The following PTPRD variants were observed in gnomAD, a reference collection of about 807,000 sequenced individuals.
PTPRD encodes the protein receptor-type tyrosine-protein phosphatase delta.
Under a neutral mutation model 214.5 loss-of-function variants are expected in PTPRD, and 34 were observed. That is an observed-to-expected ratio of 0.16 (90% CI 0.12 to 0.21). PTPRD has a LOEUF of 0.21. PTPRD is among the 10% of genes least tolerant of loss of function. The probability of loss-of-function intolerance (pLI) is 1.00; values close to 1 mark genes in which losing one functional copy is unlikely to be tolerated. For missense variants in PTPRD, 2,545 were observed against 2,398.7 expected (o/e 1.06, Z -1.27); for synonymous variants, 1,128 against 845.7 (o/e 1.33, Z -5.79).
intron 11 of PTPRD, among the ~76,000 whole-genome samples, chr9:8,950,105 C>T (rs2099093425): frequency 1.3e-5 from 2 of 152,088 alleles, no homozygotes; most frequent in African/African-American, 2.4e-5. Flanking sequence ...TGTCTATTTA[C>T]AAGTGACTTG....
intron 35 of PTPRD, among the ~76,000 whole-genome samples, chr9:8,430,666 T>C (rs1188745550): frequency 6.6e-6 from 1 of 152,144 alleles, no homozygotes; most frequent in Non-Finnish European, 1.5e-5. Flanking sequence ...CCTATAATTC[T>C]ACATTTCTAA....
At chr9:8,940,583 C>G (rs142675515) in intron 11 of PTPRD, among the ~76,000 whole-genome samples, 1 of 151,396 alleles carries the variant, frequency 6.6e-6, no homozygotes, top group Non-Finnish European at 1.5e-5. Context: ...TGTGAGCCAC[C>G]GCACCCAGCC....
At chr9:8,395,866 A>T (rs2091008319) in intron 36 of PTPRD, among the ~76,000 whole-genome samples, 1 of 152,028 alleles carries the variant, frequency 6.6e-6, no homozygotes, top group Admixed American at 6.6e-5. Context: ...ACATTGCAAG[A>T]TCAGCAACAT....
chr9:10,298,393 A>G (rs187293927), intron 3 of PTPRD, among the ~76,000 whole-genome samples: 1 of 152,172 alleles, frequency 6.6e-6, no homozygotes, highest in African/African-American at 2.4e-5. Flanking sequence ...ATAGTACGAT[A>G]TGATCCTTGC....
At chr9:9,187,660 T>A (rs1353015102) in intron 9 of PTPRD, among the ~76,000 whole-genome samples, 1 of 151,976 alleles carries the variant, frequency 6.6e-6, no homozygotes, top group East Asian at 1.9e-4. Flanking sequence ...TCTTGTGAAA[T>A]AGACTGATTT....
intron 8 of PTPRD, among the ~76,000 whole-genome samples, chr9:9,484,785 C>T (rs548192349): frequency 1.3e-5 from 2 of 152,138 alleles, no homozygotes; most frequent in East Asian, 1.9e-4. Flanking sequence ...GGTTCTGGAG[C>T]CTACAGTCTT....
chr9:10,504,115 CAAAAAAAAAA>C lies in PTPRD; in HGVS notation c.-600+108273_-600+108282del, dbSNP rs71332747. On this transcript the variant is annotated intron_variant, in intron 2 of 45. Coordinates refer to ENST00000381196, the MANE Select transcript of PTPRD (RefSeq NM_002839.4). Reference sequence around the variant, plus strand: ...TGGGGCACAGAGCGAGACTCTGTCTCAAAAAAAAAAAAAAAAAAAAAAAAAAGATGTACGG... The same window carrying C: ...TGGGGCACAGAGCGAGACTCTGTCTCAAAAAAAAAAAAAAAAGATGTACGG... Among the ~76,000 whole-genome samples, 40 of 26,964 alleles carry C rather than the reference CAAAAAAAAAA, an allele frequency of 1.5e-3. 2 individuals carry two copies. Among genetic ancestry groups the C allele is most frequent in the Middle Eastern group, 0.091 (2 of 22 alleles). 17.7% of individuals were successfully genotyped at this position (26,964 alleles called of 152,430 possible).
At chr9:10,006,998 A>C (rs138397911) in intron 4 of PTPRD, among the ~76,000 whole-genome samples, 4 of 152,152 alleles carry the variant, frequency 2.6e-5, no homozygotes, top group African/African-American at 7.2e-5. Context: ...TTAATGTAAC[A>C]AATCCCCATG....
At chr9:9,434,082 T>C (rs2084244736) in intron 8 of PTPRD, among the ~76,000 whole-genome samples, 1 of 152,178 alleles carries the variant, frequency 6.6e-6, no homozygotes, top group Non-Finnish European at 1.5e-5. Context: ...GTTTTGCATA[T>C]ACTAAAACCA....
intron 5 of PTPRD, among the ~76,000 whole-genome samples, chr9:9,769,148 A>G (rs1403105696): frequency 6.6e-6 from 1 of 152,130 alleles, no homozygotes; most frequent in Non-Finnish European, 1.5e-5. Flanking sequence ...GGAAAGAAGA[A>G]AAATAAAACG....
intron 2 of PTPRD, among the ~76,000 whole-genome samples, chr9:10,454,167 G>A (rs1242850178): frequency 2.6e-5 from 4 of 151,436 alleles, no homozygotes; most frequent in Non-Finnish European, 5.9e-5. Context: ...TTGATAAACA[G>A]AATCTGGATA....
intron 11 of PTPRD, among the ~76,000 whole-genome samples, chr9:8,897,476 G>T (rs549752783): frequency 6.6e-6 from 1 of 152,268 alleles, no homozygotes; most frequent in South Asian, 2.1e-4. Flanking sequence ...GATGGTGTCT[G>T]GCTAAAAGCA....
At chr9:8,841,131 A>G (rs1429686314) in intron 11 of PTPRD, among the ~76,000 whole-genome samples, 1 of 152,214 alleles carries the variant, frequency 6.6e-6, no homozygotes, top group Non-Finnish European at 1.5e-5. Flanking sequence ...CCCTATCATA[A>G]TACTCCTGTG....
intron 39 of PTPRD, among the ~76,000 whole-genome samples, chr9:8,369,125 CT>C (rs2080791764): frequency 6.6e-6 from 1 of 152,030 alleles, no homozygotes; most frequent in Non-Finnish European, 1.5e-5. Context: ...TACTTGTGGT[CT>C]TTGATCTGAA....
At chr9:10,489,031 T>C (rs2132577905) in intron 2 of PTPRD, among the ~76,000 whole-genome samples, 1 of 152,236 alleles carries the variant, frequency 6.6e-6, no homozygotes, top group East Asian at 1.9e-4. Flanking sequence ...GGAAGGAGTC[T>C]TGCCCCATAG....
At chr9:9,523,434 G>A (rs1044530568) in intron 8 of PTPRD, among the ~76,000 whole-genome samples, 1 of 152,030 alleles carries the variant, frequency 6.6e-6, no homozygotes, top group Admixed American at 6.6e-5. Flanking sequence ...AATTTGCTGA[G>A]GGCATTTTAG....
At chr9:10,078,575 A>G (rs928082923) in intron 3 of PTPRD, among the ~76,000 whole-genome samples, 1 of 149,726 alleles carries the variant, frequency 6.7e-6, no homozygotes, top group Non-Finnish European at 1.5e-5. Context: ...GTAGCCCTCT[A>G]CTCATTGTTG....
intron 3 of PTPRD, among the ~76,000 whole-genome samples, chr9:10,321,693 A>G (rs1387094146): frequency 1.3e-5 from 2 of 152,030 alleles, no homozygotes; most frequent in Non-Finnish European, 2.9e-5. Context: ...AAAAGAAACA[A>G]TGGTGGGATG....
Position 9,256,774 on chromosome 9 carries a change from C to T in PTPRD, c.-202-73411G>A, listed in dbSNP as rs774016659. ...AAATGTCATTCCTCTATATAAAAAT[C>T]GACAATCTTCTTGTCCTGCCTCTCT... On this transcript the variant is annotated intron_variant, in intron 9 of 45. Transcript: ENST00000381196. Among the ~76,000 whole-genome samples, 62 of 151,960 alleles carry T rather than the reference C, an allele frequency of 4.1e-4. 1 individual carries two copies. The highest frequency in any genetic ancestry group is 3.4e-3 in the Admixed American group (52 of 15,250).
Sources: allele counts gnomAD v4.1 joint callset (sites outside exome capture counted in the v4.1 genomes callset), GRCh38; gene constraint gnomAD v4.1.1; transcripts MANE v1.5; gene names NCBI Gene and HGNC (gene_info 2026-07-23, HGNC 2026-07-21).